Variants in ZRANB3 observed in about 807,000 individuals in gnomAD.
ZRANB3 encodes zinc finger RANBP2-type containing 3, also known as DNA annealing helicase and endonuclease ZRANB3.
A neutral mutation model predicts 133.8 loss-of-function variants in ZRANB3; 125 were observed. The ratio of observed to expected loss-of-function variants is 0.93; its 90% CI spans 0.81 to 1.08. ZRANB3 has a LOEUF of 1.08. Among genes scored for constraint, ZRANB3 ranks in the 50% least tolerant of loss-of-function variants. The pLI is 0.00. For synonymous variants in ZRANB3, 387 were observed against 432.7 expected, an observed-to-expected ratio of 0.89 and a Z score of 1.31; for missense variants, 1,229 against 1,275.5, an observed-to-expected ratio of 0.96 and a Z score of 0.56.
At chr2:135,252,487 T>C (rs1472006694) in intron 12 of ZRANB3, among the ~76,000 whole-genome samples, 2 of 152,202 alleles carry the variant, frequency 1.3e-5, no homozygotes, top group African/African-American at 4.8e-5. Context: ...CAAAATATCA[T>C]ATAACATATA....
chr2:135,378,773 C>A (rs998704257), intron 3 of ZRANB3, among the ~76,000 whole-genome samples: 13 of 152,086 alleles, frequency 8.5e-5, no homozygotes, highest in Non-Finnish European at 5.9e-5. Flanking sequence ...CAAGTATAAC[C>A]ACAAGGAAAG....
chr2:135,479,988 C>T (rs1265076469), intron 2 of ZRANB3, among the ~76,000 whole-genome samples: 1 of 151,404 alleles, frequency 6.6e-6, no homozygotes, highest in Non-Finnish European at 1.5e-5. Flanking sequence ...GGCTGGAGTG[C>T]AGTGGTGCCA....
intron 1 of ZRANB3, among the ~76,000 whole-genome samples, 176 bp downstream of exon 1, chr2:135,530,951 T>A (rs1465274606): frequency 6.6e-6 from 1 of 152,098 alleles, no homozygotes; most frequent in African/African-American, 2.4e-5. Flanking sequence ...CACCCCGCCC[T>A]CCGCCACTGA....
Position 135,207,615 on chromosome 2 carries a change from T to C in ZRANB3, c.2828A>G (p.Glu943Gly). 8.1e-6 allele frequency: 13 copies of C among 1,614,008 alleles called. No individual in the cohort carries two copies. Among genetic ancestry groups the C allele is most frequent in the African/African-American group, 6.7e-5 (5 of 75,048 alleles). The change falls in exon 19 of 21, where the codon GAG becomes GGG. Residue 943 changes from glutamate to glycine, a missense_variant. Transcript: ENST00000264159. ...SRFCSLKCQE[E>G]FWIRSNNSYL... ...ACTGTTATTAGATCGAATCCAAAACTCTTCCTGACATTTCAGAGAGCAAAA... is the reference window on the plus strand; with the variant it reads ...ACTGTTATTAGATCGAATCCAAAACCCTTCCTGACATTTCAGAGAGCAAAA...
intron 12 of ZRANB3, among the ~76,000 whole-genome samples, chr2:135,238,514 C>T (rs1381169521): frequency 6.6e-6 from 1 of 151,816 alleles, no homozygotes; most frequent in Admixed American, 6.6e-5. Context: ...CAGGTGTTCA[C>T]TATCACGCCC....
chr2:135,274,622 T>G lies in ZRANB3; in HGVS notation c.1086+1014A>C, dbSNP rs565965618. On this transcript the variant is annotated intron_variant, in intron 9 of 20. Coordinates refer to ENST00000264159, the MANE Select transcript of ZRANB3 (RefSeq NM_032143.4). ...TTTTTAAATTTTTTTAATTTATTTT[T>G]TATTTATTTATTTTTAGTATTTATT... Among the ~76,000 whole-genome samples the G allele has an allele frequency of 1.1e-4, 16 of 152,218 alleles. No individual in the cohort carries two copies. In the South Asian group the frequency reaches 2.9e-3, roughly 28 times the overall value.
chr2:135,451,502 C>G (rs1330050089), intron 2 of ZRANB3, among the ~76,000 whole-genome samples: 2 of 151,804 alleles, frequency 1.3e-5, no homozygotes, highest in African/African-American at 4.8e-5. Context: ...GCGGAGGTTG[C>G]AGTCAGCTGG....
chr2:135,463,615 C>T (rs1690860784), intron 2 of ZRANB3, among the ~76,000 whole-genome samples: 1 of 152,010 alleles, frequency 6.6e-6, no homozygotes, highest in Admixed American at 6.6e-5. Context: ...CGGGGTTTCG[C>T]CATGTTGGGC....
chr2:135,235,739 C>T (rs967815458), intron 12 of ZRANB3, among the ~76,000 whole-genome samples: 3 of 150,142 alleles, frequency 2.0e-5, no homozygotes, highest in Non-Finnish European at 4.4e-5. Flanking sequence ...ATTCAACAAC[C>T]CTTCATGCTA....
chr2:135,483,190 T>C (rs561467714), intron 2 of ZRANB3, among the ~76,000 whole-genome samples: 127 of 151,738 alleles, frequency 8.4e-4, no homozygotes, highest in Non-Finnish European at 1.6e-3. Flanking sequence ...TCAGAAGGAA[T>C]GGTACCAGCT....
chr2:135,383,673 G>T (rs1650279341), intron 3 of ZRANB3, among the ~76,000 whole-genome samples: 1 of 152,148 alleles, frequency 6.6e-6, no homozygotes, highest in Non-Finnish European at 1.5e-5. Context: ...AATCAAACTA[G>T]AACTCAGGAT....
intron 17 of ZRANB3, among the ~76,000 whole-genome samples, chr2:135,214,379 TTAATA>T (rs1326311277): frequency 9.2e-5 from 14 of 151,966 alleles, no homozygotes; most frequent in Non-Finnish European, 8.8e-5. Flanking sequence ...AGTTATATCC[TTAATA>T]TATTATGTAT....
rs979220554 is a variant in ZRANB3 at position 135,381,365 on chromosome 2, G to A, written c.180+9437C>T. On this transcript the variant is annotated intron_variant, in intron 3 of 20. Coordinates refer to ENST00000264159, the MANE Select transcript of ZRANB3 (RefSeq NM_032143.4). Reference sequence around the variant, plus strand: ...CAAAGCGGCCTGGAAGCTCGAACAGGGCGGAGCCCACGGCAGTTCAATGAG... The same window carrying A: ...CAAAGCGGCCTGGAAGCTCGAACAGAGCGGAGCCCACGGCAGTTCAATGAG... Among the ~76,000 whole-genome samples, 17 of 152,206 alleles carry A rather than the reference G, an allele frequency of 1.1e-4. No homozygotes were observed. In the Middle Eastern group the frequency reaches 9.5e-3, roughly 85 times the overall value.
chr2:135,339,094 C>T (rs1253915552), intron 6 of ZRANB3, among the ~76,000 whole-genome samples: 4 of 151,974 alleles, frequency 2.6e-5, no homozygotes, highest in South Asian at 2.1e-4. Flanking sequence ...GGGCAACATA[C>T]TGACACCCCG....
At chr2:135,486,601 A>G (rs6430575) in intron 2 of ZRANB3, among the ~76,000 whole-genome samples, 40,479 of 151,198 alleles carry the variant, frequency 0.27, 9,019 homozygotes, top group African/African-American at 0.6. Flanking sequence ...TGCAACCTCC[A>G]CTCCCAGGTT....
At chr2:135,291,910 A>G (rs1189350232) in intron 8 of ZRANB3, among the ~76,000 whole-genome samples, 5 of 152,098 alleles carry the variant, frequency 3.3e-5, no homozygotes, top group Non-Finnish European at 4.4e-5. Context: ...CCATGTCCCT[A>G]CAAAGGACAT....
rs550559308 is a variant in ZRANB3 at position 135,463,486 on chromosome 2, C to T, written c.161+40843G>A. Among the ~76,000 whole-genome samples the T allele has an allele frequency of 4.0e-4, 61 of 150,832 alleles. 1 individual carries two copies. In the East Asian group the frequency reaches 9.8e-3, roughly 24 times the overall value. On this transcript the variant is annotated intron_variant, in intron 2 of 20. Coordinates refer to ENST00000264159, the MANE Select transcript of ZRANB3 (RefSeq NM_032143.4). ...AGGCTGGAGTGCAGTGGTGTGATTT[C>T]GGCTCTCTGCAACCTCCGCCTCCCA...
At chr2:135,426,904 ATATATATG>A in intron 2 of ZRANB3, among the ~76,000 whole-genome samples, 1 of 107,404 alleles carries the variant, frequency 9.3e-6, no homozygotes, top group Non-Finnish European at 1.9e-5. Flanking sequence ...ATATATATAT[ATATATATG>A]TGCAAATCAA....
At chr2:135,204,665 A>ATG (rs1491175920) in intron 19 of ZRANB3, among the ~76,000 whole-genome samples, 1 of 138,992 alleles carries the variant, frequency 7.2e-6, no homozygotes, top group African/African-American at 2.9e-5. Flanking sequence ...ATATATATAC[A>ATG]TATATATATA....
Sources: gnomAD v4.1 joint callset for allele counts (sites outside exome capture counted in the v4.1 genomes callset) on GRCh38, gnomAD v4.1.1 for gene constraint, MANE v1.5 for transcripts, NCBI Gene and HGNC (gene_info 2026-07-23, HGNC 2026-07-21) for gene names.